Variants in ASMTL observed in about 807,000 individuals in gnomAD.
The protein encoded by ASMTL is acetylserotonin O-methyltransferase like, also known as probable bifunctional dTTP/UTP pyrophosphatase/methyltransferase protein.
In ASMTL, 57 loss-of-function variants were observed where a neutral mutation model predicts 60.3. The observed-to-expected ratio is 0.95, with a 90% CI of 0.76 to 1.18. The LOEUF is 1.18. Among genes scored for constraint, ASMTL ranks in the 50% most tolerant of loss-of-function variants. ASMTL has a pLI of 0.00. For synonymous variants in ASMTL, 419 were observed against 373.0 expected (o/e 1.12, Z -1.42); for missense variants, 981 against 852.6 (o/e 1.15, Z -1.88).
intron 11 of ASMTL, 117 bp downstream of exon 11, chrX:1,417,856 A>G (rs2090352996): frequency 7.5e-7 from 1 of 1,336,956 alleles, no homozygotes; most frequent in Non-Finnish European, 1.0e-6. Flanking sequence ...GCACACACAT[A>G]CCCACCATGG....
rs770080934 is a variant in ASMTL at position 1,449,030 on chromosome X, C to T, written c.93+3718G>A. On this transcript the variant is annotated intron_variant, in intron 1 of 12. Coordinates refer to ENST00000381317, the MANE Select transcript of ASMTL (RefSeq NM_004192.4). ...GCCTCTGACCAGAAACATCCCAAGC[C>T]CAAGATAACCTCCTTCAGACCAGAG... 4.6e-5 allele frequency among the ~76,000 whole-genome samples: 7 copies of T among 152,220 alleles called. No individual in the cohort carries two copies. The South Asian group carries it at 1.2e-3, about 27-fold the overall frequency.
Position 1,408,267 on chromosome X carries a change from C to G in ASMTL, c.1645+4465G>C, listed in dbSNP as rs866853266. ...GCTGCAGTGAACTATGATGACAACACTGCCCTCCAGCCAAATGCTGGTACT... is the reference window on the plus strand; with the variant it reads ...GCTGCAGTGAACTATGATGACAACAGTGCCCTCCAGCCAAATGCTGGTACT... On this transcript the variant is annotated intron_variant, in intron 12 of 12. Transcript: ENST00000381317. Among the ~76,000 whole-genome samples the G allele has an allele frequency of 1.8e-3, 87 of 48,956 alleles. 4 individuals carry two copies. The highest frequency in any genetic ancestry group is 7.3e-3 in the African/African-American group (70 of 9,616). 32.1% of individuals were successfully genotyped at this position (48,956 alleles called of 152,430 possible).
At chrX:1,439,780 G>C (rs1199032621) in intron 2 of ASMTL, among the ~76,000 whole-genome samples, 4 of 149,222 alleles carry the variant, frequency 2.7e-5, no homozygotes, top group African/African-American at 9.9e-5. Context: ...AGGTTGCAGT[G>C]AGCCAAGGTT....
rs767557578 is a variant in ASMTL, at chrX:1,443,454, T to C, written c.94-1137A>G. Among the ~76,000 whole-genome samples the C allele has an allele frequency of 1.0e-3, 142 of 137,732 alleles. 4 individuals carry two copies. In the East Asian group the frequency reaches 0.026, roughly 26 times the overall value. 90.4% of individuals were successfully genotyped at this position (137,732 alleles called of 152,430 possible). A position where few individuals can be genotyped will look rare whatever the true frequency, so the allele number is the denominator to read the frequency against. ...GCCATCTTGGACAGACACCGCCATC[T>C]TGGACACACACCACCATCGTGGACA... On this transcript the variant is annotated intron_variant, in intron 1 of 12. Coordinates refer to ENST00000381317, the MANE Select transcript of ASMTL (RefSeq NM_004192.4).
Position 1,419,572 on chromosome X carries a change from GCTC to G in ASMTL, c.1246-461_1246-459del, listed in dbSNP as rs780080186. Among the ~76,000 whole-genome samples, 14 of 151,978 alleles carry G rather than the reference GCTC, an allele frequency of 9.2e-5. No individual in the cohort carries two copies. The East Asian group carries it at 2.1e-3, about 23-fold the overall frequency. On this transcript the variant is annotated intron_variant, in intron 9 of 12. Coordinates refer to ENST00000381317, the MANE Select transcript of ASMTL (RefSeq NM_004192.4). ...GAGAATTCTGGTGTGCAGAGGAGAA[GCTC>G]CTCCGAGCTTCTCCAAGTCCCCCCA...
chrX:1,424,948 G>A (rs1439441175), intron 8 of ASMTL, among the ~76,000 whole-genome samples: 66 of 16,964 alleles, frequency 3.9e-3, no homozygotes, highest in South Asian at 9.8e-3. Context: ...CAATCCATCT[G>A]TCCATCCATC....
At position 1,452,887 on chromosome X, in the gene ASMTL, C is replaced by A. The variant is rs1387837117; in HGVS notation, c.-47G>T. 3.6e-6 allele frequency: 5 copies of A among 1,404,412 alleles called. No individual in the cohort carries two copies. In the South Asian group the frequency reaches 6.6e-5, roughly 18 times the overall value. 87.0% of individuals were successfully genotyped at this position (1,404,412 alleles called of 1,614,324 possible). Reference sequence around the variant, plus strand: ...GCGTCCGCACTTCTGAGCCCGGAGCCCGCGGTGCGCGCAGCGCGGCTGCAA... The same window carrying A: ...GCGTCCGCACTTCTGAGCCCGGAGCACGCGGTGCGCGCAGCGCGGCTGCAA... On this transcript the variant is annotated 5_prime_UTR_variant, in exon 1 of 13. Transcript: ENST00000381317.
At chrX:1,433,442 G>A (rs2090866029) in intron 5 of ASMTL, among the ~76,000 whole-genome samples, 2 of 147,484 alleles carry the variant, frequency 1.4e-5, no homozygotes, top group South Asian at 2.2e-4. Flanking sequence ...GAGGCGGGCG[G>A]ATCACAAGGT....
chrX:1,418,186 A>T (rs1603450823), intron 10 of ASMTL, 70 bp from the exon 11 acceptor site: 5 of 1,495,138 alleles, frequency 3.3e-6, no homozygotes, highest in Admixed American at 2.1e-5. Flanking sequence ...CCAAAGCTCA[A>T]CTGGGGCAGA....
chrX:1,438,857 C>T (rs2091038373), intron 3 of ASMTL, among the ~76,000 whole-genome samples: 1 of 152,112 alleles, frequency 6.6e-6, no homozygotes, highest in Non-Finnish European at 1.5e-5. Context: ...GAACCCATGA[C>T]CTAAGGTGAT....
intron 9 of ASMTL, among the ~76,000 whole-genome samples, chrX:1,419,425 G>C (rs1458797901): frequency 3.9e-5 from 6 of 152,144 alleles, no homozygotes; most frequent in Non-Finnish European, 7.4e-5. Context: ...TTTCACCCTG[G>C]AGGCTCCGGG....
chrX:1,426,125 C>G (rs1210144829), intron 7 of ASMTL, among the ~76,000 whole-genome samples: 73 of 151,958 alleles, frequency 4.8e-4, no homozygotes, highest in Non-Finnish European at 9.7e-4. Context: ...GACACACACA[C>G]AGGGACGACC....
rs548938923 is a variant in ASMTL, at chrX:1,434,649, C to A, written c.400+373G>T. Among the ~76,000 whole-genome samples, 15 of 151,380 alleles carry A rather than the reference C, an allele frequency of 9.9e-5. No homozygotes were observed. In the South Asian group the frequency reaches 3.1e-3, roughly 32 times the overall value. On this transcript the variant is annotated intron_variant, in intron 5 of 12. Transcript: ENST00000381317. Reference sequence around the variant, plus strand: ...TGAAACCCCGTCTCTACTAAAAATACAAAAATTAGCCGGGCATGGTGGTGG... The same window carrying A: ...TGAAACCCCGTCTCTACTAAAAATAAAAAAATTAGCCGGGCATGGTGGTGG...
chrX:1,406,538 A>ATGGG (rs1322264530), intron 12 of ASMTL, among the ~76,000 whole-genome samples: 1 of 149,146 alleles, frequency 6.7e-6, no homozygotes, highest in Non-Finnish European at 1.5e-5. Context: ...ATGGTAGATG[A>ATGGG]TGGGTAGGTA....
At chrX:1,434,895 A>G in intron 5 of ASMTL, 127 bp downstream of exon 5, 3 of 938,462 alleles carry the variant, frequency 3.2e-6, no homozygotes, top group Admixed American at 2.0e-5. Context: ...CAAGCAGGAC[A>G]TAGGCACAAA....
intron 11 of ASMTL, among the ~76,000 whole-genome samples, chrX:1,416,777 G>A (rs1386935384): frequency 1.3e-4 from 9 of 68,662 alleles, no homozygotes; most frequent in Non-Finnish European, 2.6e-4. Context: ...ACACACAGAC[G>A]TACACACAAG....
intron 11 of ASMTL, chrX:1,414,038 G>A (rs1338843314): frequency 6.6e-6 from 1 of 150,430 alleles, no homozygotes; most frequent in Non-Finnish European, 1.5e-5. Flanking sequence ...AGGATCTGGA[G>A]ATGGGATCAT....
At chrX:1,450,097 C>T (rs751284974) in intron 1 of ASMTL, among the ~76,000 whole-genome samples, 17 of 150,038 alleles carry the variant, frequency 1.1e-4, no homozygotes, top group African/African-American at 3.2e-4. Flanking sequence ...CAGTAACTAT[C>T]CCATCACCAG....
chrX:1,404,427 G>T (rs2089723558), intron 12 of ASMTL, among the ~76,000 whole-genome samples: 1 of 151,706 alleles, frequency 6.6e-6, no homozygotes, highest in African/African-American at 2.4e-5. Flanking sequence ...ATGCAGGCAT[G>T]GATGAGATGG....
Sources: gnomAD v4.1 joint callset for allele counts (sites outside exome capture counted in the v4.1 genomes callset) on GRCh38, gnomAD v4.1.1 for gene constraint, MANE v1.5 for transcripts, NCBI Gene and HGNC (gene_info 2026-07-23, HGNC 2026-07-21) for gene names.